Variants in CCDC3 observed in about 807,000 individuals in gnomAD.
CCDC3 encodes coiled-coil domain containing 3, also known as coiled-coil domain-containing protein 3.
In CCDC3, 24 loss-of-function variants were observed where a neutral mutation model predicts 21.4. That is an observed-to-expected ratio of 1.12 (90% confidence interval 0.81 to 1.58). The LOEUF (loss-of-function observed/expected upper bound fraction) is 1.58. CCDC3 is among the 40% of genes most tolerant of loss of function. CCDC3 has a pLI of 0.00. For synonymous variants in CCDC3, 186 were observed against 166.0 expected, an observed-to-expected ratio of 1.12 and a Z score of -0.93; for missense variants, 425 against 360.9, an observed-to-expected ratio of 1.18 and a Z score of -1.44.
intron 2 of CCDC3, among the ~76,000 whole-genome samples, chr10:12,933,606 A>G (rs10795996): frequency 0.28 from 42,217 of 151,824 alleles, 6,084 homozygotes; most frequent in South Asian, 0.46. Flanking sequence ...ACAGACATGC[A>G]CAACCACGCC....
chr10:13,059,066 C>G (rs1836719240), intron 4 of CCDC3, among the ~76,000 whole-genome samples: 1 of 152,218 alleles, frequency 6.6e-6, no homozygotes. Context: ...GTGTGGCAGA[C>G]AAACTGTCCA....
chr10:12,920,653 T>TA (rs758936982), intron 2 of CCDC3, among the ~76,000 whole-genome samples: 1 of 152,250 alleles, frequency 6.6e-6, no homozygotes, highest in South Asian at 2.1e-4. Flanking sequence ...AAAATGTTAC[T>TA]AATACCAGGC....
chr10:13,094,289 ATG>A (rs1832608180), intron 3 of CCDC3, among the ~76,000 whole-genome samples: 1 of 146,294 alleles, frequency 6.8e-6, no homozygotes, highest in African/African-American at 2.6e-5. Flanking sequence ...GATGATGATG[ATG>A]ATACTCACCC....
intron 3 of CCDC3, among the ~76,000 whole-genome samples, chr10:13,092,921 C>T (rs1437426728): frequency 1.3e-5 from 2 of 152,028 alleles, no homozygotes; most frequent in African/African-American, 4.8e-5. Flanking sequence ...GTCAAGGCAA[C>T]CTGGTGAGAG....
chr10:13,085,585 TTTTG>T (rs1297604645), intron 3 of CCDC3, among the ~76,000 whole-genome samples: 1 of 152,192 alleles, frequency 6.6e-6, no homozygotes, highest in African/African-American at 2.4e-5. Flanking sequence ...GTCTCCAACA[TTTTG>T]TTTAATTCAA....
intron 5 of CCDC3, among the ~76,000 whole-genome samples, chr10:13,010,045 C>A (rs903584825): frequency 6.6e-6 from 1 of 152,116 alleles, no homozygotes; most frequent in Non-Finnish European, 1.5e-5. Context: ...GTCAGGAGTT[C>A]GAGACCAGCC....
intron 2 of CCDC3, among the ~76,000 whole-genome samples, chr10:12,987,269 T>C (rs973640667): frequency 6.6e-6 from 1 of 152,198 alleles, no homozygotes; most frequent in African/African-American, 2.4e-5. Context: ...CCAGGTCTAA[T>C]TCTTCCACTA....
intron 4 of CCDC3, among the ~76,000 whole-genome samples, chr10:13,071,901 C>G (rs1836886678): frequency 6.6e-6 from 1 of 151,884 alleles, no homozygotes; most frequent in Admixed American, 6.6e-5. Context: ...ATAATGGTGT[C>G]TCTGTACTAT....
chr10:13,000,121 G>A (rs12264191), intron 1 of CCDC3, among the ~76,000 whole-genome samples: 118 of 152,276 alleles, frequency 7.7e-4, no homozygotes, highest in African/African-American at 1.4e-3. Flanking sequence ...GCAGACCCAC[G>A]TCAGCCTCAT....
chr10:13,068,471 G>A (rs74119405), intron 4 of CCDC3, among the ~76,000 whole-genome samples: 2,858 of 152,188 alleles, frequency 0.019, 92 homozygotes, highest in African/African-American at 0.065. Context: ...TTTAATCCTC[G>A]AGGAATAAAA....
At chr10:12,972,643 C>G (rs999504336) in intron 2 of CCDC3, among the ~76,000 whole-genome samples, 5 of 152,084 alleles carry the variant, frequency 3.3e-5, no homozygotes, top group African/African-American at 4.8e-5. Context: ...ATGGTGAAAC[C>G]CCGTCTCTAC....
At chr10:13,076,212 T>C (rs1836962842) in intron 3 of CCDC3, among the ~76,000 whole-genome samples, 1 of 152,228 alleles carries the variant, frequency 6.6e-6, no homozygotes, top group Non-Finnish European at 1.5e-5. Flanking sequence ...GGGCAAATGT[T>C]GATGGCTGGA....
At position 13,001,063 on chromosome 10, in the gene CCDC3, G is replaced by A. The variant is rs889486984; in HGVS notation, c.374+134C>T. 28 of 1,150,142 alleles carry A rather than the reference G, an allele frequency of 2.4e-5. No individual in the cohort carries two copies. The East Asian group carries it at 7.0e-4, about 29-fold the overall frequency. 71.2% of individuals were successfully genotyped at this position (1,150,142 alleles called of 1,614,324 possible). ...CAAGAAAGATCCAAGAAGGCAAGGG[G>A]TAGGCGCCCCAGGGGCATTCTCACT... On this transcript the variant is annotated intron_variant, in intron 1 of 2. Transcript: ENST00000378825.
intron 2 of CCDC3, among the ~76,000 whole-genome samples, chr10:12,960,416 G>T (rs1355483147): frequency 6.6e-6 from 1 of 152,050 alleles, no homozygotes; most frequent in Admixed American, 6.6e-5. Flanking sequence ...GAGTCCTGGT[G>T]CCCCTGAGGA....
At chr10:13,060,244 T>A (rs1354981105) in intron 4 of CCDC3, among the ~76,000 whole-genome samples, 1 of 152,168 alleles carries the variant, frequency 6.6e-6, no homozygotes, top group Non-Finnish European at 1.5e-5. Context: ...ATGGAAGACG[T>A]GACCTTGCTG....
intron 4 of CCDC3, among the ~76,000 whole-genome samples, chr10:13,069,785 A>G (rs1486575809): frequency 6.6e-6 from 1 of 152,230 alleles, no homozygotes; most frequent in Non-Finnish European, 1.5e-5. Flanking sequence ...TACGCTATCA[A>G]TCATAATTAA....
At chr10:12,956,216 C>T (rs1269055089) in intron 2 of CCDC3, among the ~76,000 whole-genome samples, 1 of 152,154 alleles carries the variant, frequency 6.6e-6, no homozygotes, top group Non-Finnish European at 1.5e-5. Context: ...TACCCCAGCC[C>T]AAGAAGAAAT....
At chr10:13,084,688 C>T (rs979027331) in intron 3 of CCDC3, among the ~76,000 whole-genome samples, 12 of 152,226 alleles carry the variant, frequency 7.9e-5, no homozygotes, top group African/African-American at 2.6e-4. Context: ...GGGTCTAGAT[C>T]GGGACTCCTT....
At chr10:12,899,763 ATC>A (rs145236919) in intron 2 of CCDC3, among the ~76,000 whole-genome samples, 2,888 of 152,334 alleles carry the variant, frequency 0.019, 92 homozygotes, top group African/African-American at 0.066. Context: ...TGCATACACT[ATC>A]TCTGGGAGCA....
Sources: allele counts gnomAD v4.1 joint callset (sites outside exome capture counted in the v4.1 genomes callset), GRCh38; gene constraint gnomAD v4.1.1; transcripts MANE v1.5; gene names NCBI Gene and HGNC (gene_info 2026-07-23, HGNC 2026-07-21).